PHLDB2: variants seen among roughly 807,000 people sequenced by gnomAD.
PHLDB2 encodes pleckstrin homology like domain family B member 2, also known as pleckstrin homology-like domain family B member 2.
PHLDB2 carries 71 observed loss-of-function variants against 123.6 expected under a neutral mutation model. The observed-to-expected ratio is 0.57, with a 90% CI of 0.47 to 0.70. The LOEUF is 0.70. Ranked by LOEUF, PHLDB2 falls within the 30% of genes least tolerant of loss-of-function variation. The pLI is 0.00. For synonymous variants in PHLDB2, 547 were observed against 541.6 expected (o/e 1.01, Z -0.14); for missense variants, 1,446 against 1,519.5 (o/e 0.95, Z 0.80).
rs187065722 is a variant in PHLDB2, at chr3:111,732,836, A to G, written c.-49+133A>G. 62 of 677,506 alleles carry G rather than the reference A, an allele frequency of 9.2e-5. 3 individuals carry two copies. The African/African-American group carries it at 9.8e-4, about 11-fold the overall frequency. 42.0% of individuals were successfully genotyped at this position (677,506 alleles called of 1,614,324 possible). A position where few individuals can be genotyped will look rare whatever the true frequency, so the allele number is the denominator to read the frequency against. On this transcript the variant is annotated intron_variant, in intron 1 of 17. Transcript: ENST00000393923. ...TAGACCCGGGTGTGTGTCTGAATTC[A>G]GTCATTTTTCTATCAGCCTGTTCTG...
chr3:111,835,399 G>T (rs570516216), intron 1 of PHLDB2, among the ~76,000 whole-genome samples: 13 of 152,148 alleles, frequency 8.5e-5, no homozygotes, highest in Non-Finnish European at 1.3e-4. Flanking sequence ...ATTTAAAAAT[G>T]TGAAACGGAT....
chr3:111,791,646 A>G (rs1277098643), intron 1 of PHLDB2, among the ~76,000 whole-genome samples: 1 of 152,300 alleles, frequency 6.6e-6, no homozygotes, highest in African/African-American at 2.4e-5. Flanking sequence ...TTATAGCCAC[A>G]TGTTAAATAT....
chr3:111,858,428 A>G (rs1301871179), upstream of PHLDB2, among the ~76,000 whole-genome samples: 1 of 152,194 alleles, frequency 6.6e-6, no homozygotes, highest in African/African-American at 2.4e-5. Context: ...TGTGTAACAA[A>G]CCTGCACGTT....
intron 1 of PHLDB2, among the ~76,000 whole-genome samples, chr3:111,877,556 A>G (rs1038299754): frequency 4.6e-5 from 7 of 152,246 alleles, no homozygotes; most frequent in African/African-American, 1.7e-4. Context: ...GCTGTGCAGA[A>G]GCTCTTTAGT....
chr3:111,798,087 T>C (rs1036319111), intron 1 of PHLDB2, among the ~76,000 whole-genome samples: 1 of 152,094 alleles, frequency 6.6e-6, no homozygotes, highest in Non-Finnish European at 1.5e-5. Flanking sequence ...TGAGCCAAAA[T>C]CATGCCACTG....
chr3:111,760,963 G>T (rs1311561124), intron 1 of PHLDB2, among the ~76,000 whole-genome samples: 1 of 151,978 alleles, frequency 6.6e-6, no homozygotes, highest in Non-Finnish European at 1.5e-5. Context: ...GAGGCGGGTG[G>T]ATCACGAGGT....
At chr3:111,969,298 G>A (rs2072019300) in intron 15 of PHLDB2, among the ~76,000 whole-genome samples, 1 of 152,194 alleles carries the variant, frequency 6.6e-6, no homozygotes, top group African/African-American at 2.4e-5. Context: ...TTGTTAAGCT[G>A]TGGCAGGGAC....
At chr3:111,772,977 A>G (rs899713167) in intron 1 of PHLDB2, among the ~76,000 whole-genome samples, 1 of 152,190 alleles carries the variant, frequency 6.6e-6, no homozygotes, top group Non-Finnish European at 1.5e-5. Context: ...ATTTCCACTC[A>G]TGTGCAAATC....
At chr3:111,882,951 A>G (rs2066002918) in intron 1 of PHLDB2, among the ~76,000 whole-genome samples, 1 of 152,196 alleles carries the variant, frequency 6.6e-6, no homozygotes, top group Non-Finnish European at 1.5e-5. Flanking sequence ...CTAGTTACAG[A>G]GACAACCACA....
intron 2 of PHLDB2, among the ~76,000 whole-genome samples, chr3:111,896,906 A>T (rs2066904903): frequency 6.6e-6 from 1 of 152,146 alleles, no homozygotes; most frequent in African/African-American, 2.4e-5. Context: ...ATAATCGGAG[A>T]TTCACAAGCA....
At chr3:111,888,883 T>A (rs578235518) in intron 2 of PHLDB2, among the ~76,000 whole-genome samples, 1 of 152,212 alleles carries the variant, frequency 6.6e-6, no homozygotes, top group African/African-American at 2.4e-5. Context: ...TCTAACTCCC[T>A]TTTTGCAAAT....
chr3:111,924,975 C>T (rs1435421231), intron 5 of PHLDB2, among the ~76,000 whole-genome samples: 2 of 152,036 alleles, frequency 1.3e-5, no homozygotes, highest in Admixed American at 1.3e-4. Flanking sequence ...ATTACAGACT[C>T]CCACCATGAC....
At chr3:111,889,005 C>G (rs1192810659) in intron 2 of PHLDB2, among the ~76,000 whole-genome samples, 1 of 152,172 alleles carries the variant, frequency 6.6e-6, no homozygotes, top group Admixed American at 6.5e-5. Flanking sequence ...TATGTTCAAG[C>G]TAACACATCA....
rs1040174049 is a variant in PHLDB2 at position 111,945,314 on chromosome 3, C to T, written c.2444C>T (p.Ser815Phe). 17 of 1,611,072 alleles carry T rather than the reference C, an allele frequency of 1.1e-5. No homozygotes were observed. Among genetic ancestry groups the T allele is most frequent in the Non-Finnish European group, 1.2e-5 (14 of 1,177,738 alleles). ...CNLEKKYSSL[S>F]GGKGFPVNPN... ...TTGGAAAAGAAATACTCCAGCCTCTCTGGGGGGAAAGGGTTTCCCGTTAAC... is the reference window on the plus strand; with the variant it reads ...TTGGAAAAGAAATACTCCAGCCTCTTTGGGGGGAAAGGGTTTCCCGTTAAC... The change falls in exon 9 of 18, where the codon TCT becomes TTT. Residue 815 changes from serine (S) to phenylalanine (F), a missense_variant. Ser to Phe is a radical substitution (Grantham distance 155). Coordinates refer to ENST00000431670, the MANE Select transcript of PHLDB2 (RefSeq NM_001134438.2).
intron 1 of PHLDB2, among the ~76,000 whole-genome samples, chr3:111,838,476 A>G (rs1200160386): frequency 1.3e-5 from 2 of 152,234 alleles, no homozygotes; most frequent in African/African-American, 4.8e-5. Context: ...CCAGAAATTC[A>G]TCAAACCAGC....
chr3:111,958,739 G>C (rs1362404409), intron 12 of PHLDB2: 1 of 455,730 alleles, frequency 2.2e-6, no homozygotes, highest in Non-Finnish European at 4.4e-6. Flanking sequence ...TACTGTTTTA[G>C]TTGCTTTCCC....
chr3:111,949,916 T>C, intron 10 of PHLDB2: 1 of 978,434 alleles, frequency 1.0e-6, no homozygotes, highest in Non-Finnish European at 1.2e-6. Context: ...AATTTAGAGT[T>C]TGGGAATGTT....
At chr3:111,939,820 A>G (rs148783205) in intron 7 of PHLDB2, among the ~76,000 whole-genome samples, 190 bp downstream of exon 7, 7 of 152,376 alleles carry the variant, frequency 4.6e-5, no homozygotes, top group African/African-American at 1.7e-4. Flanking sequence ...AGATGCATTT[A>G]TGAATAGTAC....
chr3:111,964,285 CCA>C (rs144106916), intron 13 of PHLDB2, among the ~76,000 whole-genome samples: 25,402 of 150,264 alleles, frequency 0.17, 2,436 homozygotes, highest in African/African-American at 0.25. Flanking sequence ...ATGTGTCTCA[CCA>C]CACACACACA....
Sources: allele counts gnomAD v4.1 joint callset (sites outside exome capture counted in the v4.1 genomes callset), GRCh38; gene constraint gnomAD v4.1.1; transcripts MANE v1.5; gene names NCBI Gene and HGNC (gene_info 2026-07-23, HGNC 2026-07-21).